Variants in MOK observed in about 807,000 individuals in gnomAD.
MOK encodes the protein MOK protein kinase, also known as MAPK/MAK/MRK overlapping kinase.
Under a neutral mutation model 54.2 loss-of-function variants are expected in MOK, and 59 were observed. That is an observed-to-expected ratio of 1.09 (90% confidence interval 0.88 to 1.35). MOK has a LOEUF of 1.35. Ranked by LOEUF, MOK falls within the 40% of genes most tolerant of loss-of-function variation. The pLI is 0.00. For synonymous variants in MOK, 210 were observed against 202.7 expected (o/e 1.04, Z -0.31); for missense variants, 517 against 526.2 (o/e 0.98, Z 0.17).
chr14:102,218,356 T>C, the MOK span, among the ~76,000 whole-genome samples: 14 of 151,910 alleles, frequency 9.2e-5, no homozygotes, highest in Non-Finnish European at 1.8e-4. Context: ...GTCGTGGGGG[T>C]CAGAAGGGGA....
At chr14:102,299,116 C>T (rs56151265) in intron 1 of MOK, among the ~76,000 whole-genome samples, 6,604 of 152,140 alleles carry the variant, frequency 0.043, 307 homozygotes, top group African/African-American at 0.11. Context: ...CCACCAACTG[C>T]GGACACACCA....
rs912109195 is a variant in MOK, at chr14:102,236,611, G to A, written c.591-2822C>T. On this transcript the variant is annotated intron_variant, in intron 7 of 11. Coordinates refer to ENST00000361847, the MANE Select transcript of MOK (RefSeq NM_014226.3). This position sits in a 1 kb window ranked among gnomAD's most constrained non-coding sequence, Gnocchi z 4.5. The stretch of plus-strand genomic sequence containing the variant: ...CGGAGTCCCTCCTACTCCTCTATGC[G>A]AGTCCAGCCCCTGACCCCTCTCCCC... Among the ~76,000 whole-genome samples the A allele has an allele frequency of 2.0e-5, 3 of 151,586 alleles. No homozygotes were observed. The highest frequency in any genetic ancestry group is 2.1e-4 in the South Asian group (1 of 4,802).
chr14:102,293,015 C>G (rs760877825), intron 1 of MOK, among the ~76,000 whole-genome samples: 7 of 152,138 alleles, frequency 4.6e-5, no homozygotes, highest in Non-Finnish European at 8.8e-5. Flanking sequence ...CACCTGCAAT[C>G]CCAGCTGCTA....
In MOK at chr14:102,231,845, G is replaced by T; in HGVS notation, c.867-24C>A. 6.3e-7 allele frequency: 1 copy of T among 1,598,460 alleles called. No individual in the cohort carries two copies. Among genetic ancestry groups the T allele is most frequent in the South Asian group, 1.1e-5 (1 of 90,650 alleles). ...TCCTACGGGGAAGGAGAAGAGAATG[G>T]AGCAGCTCCACTGAGAGCCCGCAGA... On this transcript the variant is annotated intron_variant, in intron 9 of 11. Coordinates refer to ENST00000361847, the MANE Select transcript of MOK (RefSeq NM_014226.3). This position sits in a 1 kb window ranked among gnomAD's most constrained non-coding sequence, Gnocchi z 4.4.
At position 102,241,170 on chromosome 14, in the gene MOK, TTTC is replaced by T. The variant is rs368222464; in HGVS notation, c.591-7384_591-7382del. 1.5e-3 allele frequency among the ~76,000 whole-genome samples: 225 copies of T among 152,230 alleles called. 2 individuals carry two copies. In the South Asian group the frequency reaches 0.045, roughly 30 times the overall value. On this transcript the variant is annotated intron_variant, in intron 7 of 11. Coordinates refer to ENST00000361847, the MANE Select transcript of MOK (RefSeq NM_014226.3). ...CTCCCAATGCAACTCATCCCAAATC[TTTC>T]TTCTTTCTCTCCTGTCTATTCCTTC...
chr14:102,267,955 G>GAA (rs879334128), intron 2 of MOK, among the ~76,000 whole-genome samples: 7 of 135,668 alleles, frequency 5.2e-5, no homozygotes, highest in African/African-American at 8.0e-5. Flanking sequence ...GCACAGAACA[G>GAA]AAAAAAAAAA....
At chr14:102,233,828 C>T (rs1157969823) in intron 7 of MOK, 39 bp from the exon 8 acceptor site, 2 of 1,447,718 alleles carry the variant, frequency 1.4e-6, no homozygotes, top group African/African-American at 2.8e-5. Context: ...AGTGTTAGGG[C>T]AGAGCCAACA....
chr14:102,259,217 CATT>C (rs955720063), intron 4 of MOK, among the ~76,000 whole-genome samples: 1 of 152,144 alleles, frequency 6.6e-6, no homozygotes, highest in Non-Finnish European at 1.5e-5. Flanking sequence ...TCCCTTATTT[CATT>C]ATTATCTTAT....
intron 2 of MOK, among the ~76,000 whole-genome samples, chr14:102,281,665 G>T (rs2153167997): frequency 6.6e-6 from 1 of 151,504 alleles, no homozygotes; most frequent in East Asian, 1.9e-4. Flanking sequence ...GGCTGATCTT[G>T]AACTCCTGTG....
chr14:102,296,279 C>CAAAA (rs796388466), intron 1 of MOK, among the ~76,000 whole-genome samples: 3 of 140,536 alleles, frequency 2.1e-5, no homozygotes, highest in Non-Finnish European at 4.7e-5. Context: ...AGATCTATTA[C>CAAAA]AAAAAAAAAA....
At chr14:102,234,147 C>T (rs1325042097) in intron 7 of MOK, 2 of 213,788 alleles carry the variant, frequency 9.4e-6, no homozygotes, top group South Asian at 8.2e-5. Context: ...GTCAATTTTT[C>T]CTTTCTCTCG....
intron 1 of MOK, among the ~76,000 whole-genome samples, chr14:102,288,165 A>G (rs1439238248): frequency 6.6e-6 from 1 of 152,220 alleles, no homozygotes; most frequent in Non-Finnish European, 1.5e-5. Flanking sequence ...CATATGACCC[A>G]GCAATTCCAC....
At chr14:102,304,180 T>C (rs770133635) in intron 1 of MOK, among the ~76,000 whole-genome samples, 2 of 152,256 alleles carry the variant, frequency 1.3e-5, no homozygotes, top group Non-Finnish European at 2.9e-5. Context: ...TTTAACATTA[T>C]AACTACTCCT....
chr14:102,301,374 C>T (rs1421032405), intron 1 of MOK, among the ~76,000 whole-genome samples: 3 of 152,232 alleles, frequency 2.0e-5, no homozygotes, highest in Non-Finnish European at 2.9e-5. Context: ...CACTGTGTCA[C>T]TCTTTGCTCT....
intron 4 of MOK, among the ~76,000 whole-genome samples, chr14:102,258,485 T>C (rs1381777618): frequency 6.9e-6 from 1 of 145,192 alleles, no homozygotes; most frequent in Non-Finnish European, 1.5e-5. Context: ...ATAATTTCAT[T>C]TGTTTCCTGT....
chr14:102,279,384 G>A (rs2069185358), intron 2 of MOK, among the ~76,000 whole-genome samples: 1 of 151,912 alleles, frequency 6.6e-6, no homozygotes, highest in African/African-American at 2.4e-5. Flanking sequence ...AACCTCAACC[G>A]CAACCTCCAG....
intron 1 of MOK, among the ~76,000 whole-genome samples, chr14:102,293,297 C>T (rs766154110): frequency 1.3e-5 from 2 of 152,014 alleles, no homozygotes; most frequent in Non-Finnish European, 2.9e-5. Flanking sequence ...CCATTGATAA[C>T]GATGCTTTCA....
Position 102,276,266 on chromosome 14 carries a change from C to G in MOK, c.122+7212G>C, listed in dbSNP as rs193067446. Among the ~76,000 whole-genome samples the G allele has an allele frequency of 1.4e-4, 21 of 152,048 alleles. No individual in the cohort carries two copies. The East Asian group carries it at 4.1e-3, about 29-fold the overall frequency. ...TTGGGAGGCTGAAGTGGGCGGATCA[C>G]AAGGTCAGGAGATGGAGACCATCCT... On this transcript the variant is annotated intron_variant, in intron 2 of 11. Coordinates refer to ENST00000361847, the MANE Select transcript of MOK (RefSeq NM_014226.3).
At chr14:102,248,064 C>T (rs970328242) in intron 7 of MOK, among the ~76,000 whole-genome samples, 1 of 152,226 alleles carries the variant, frequency 6.6e-6, no homozygotes, top group Non-Finnish European at 1.5e-5. Context: ...CCCTACTGTC[C>T]AGCCTTCCCC....
Sources: allele counts gnomAD v4.1 joint callset (sites outside exome capture counted in the v4.1 genomes callset), GRCh38; gene constraint gnomAD v4.1.1; non-coding constraint Gnocchi (gnomAD v3.1); transcripts MANE v1.5; gene names NCBI Gene and HGNC (gene_info 2026-07-23, HGNC 2026-07-21).